Variants in TTLL12 observed in about 807,000 individuals in gnomAD.
TTLL12 encodes tubulin tyrosine ligase like 12, also known as tubulin--tyrosine ligase-like protein 12.
In TTLL12, 77 loss-of-function variants were observed where a neutral mutation model predicts 79.6. The observed-to-expected ratio is 0.97, with a 90% CI of 0.81 to 1.17. The LOEUF (loss-of-function observed/expected upper bound fraction) is 1.17. Among genes scored for constraint, TTLL12 ranks in the 50% most tolerant of loss-of-function variants. TTLL12 has a pLI of 0.00. For synonymous variants in TTLL12, 437 were observed against 376.1 expected (o/e 1.16, Z -1.87); for missense variants, 969 against 895.9 (o/e 1.08, Z -1.04).
chr22:43,186,878 C>T lies in TTLL12; in HGVS notation c.177+15G>A. On this transcript the variant is annotated intron_variant, in intron 1 of 13. Transcript: ENST00000216129. ...CACCCCGGCCGCCGCACGTGCCCGC[C>T]GCCCTTCCCCGCACCTCGTGCTCCA... The T allele has an allele frequency of 7.9e-7, 1 of 1,269,600 alleles. No individual in the cohort carries two copies. Among genetic ancestry groups the T allele is most frequent in the Admixed American group, 4.3e-5 (1 of 23,308 alleles). 78.6% of individuals were successfully genotyped at this position (1,269,600 alleles called of 1,614,324 possible).
At position 43,168,264 on chromosome 22, in the gene TTLL12, C is replaced by T. The variant is rs528115118; in HGVS notation, c.1784-105G>A. The T allele has an allele frequency of 7.5e-6, 11 of 1,474,108 alleles. No individual in the cohort carries two copies. The East Asian group carries it at 2.4e-4, about 32-fold the overall frequency. The allele number at this position is 1,474,108 out of a possible 1,614,324, so 91.3% of individuals were successfully genotyped here. A position where few individuals can be genotyped will look rare whatever the true frequency, so the allele number is the denominator to read the frequency against. On this transcript the variant is annotated intron_variant, in intron 13 of 13. Coordinates refer to ENST00000216129, the MANE Select transcript of TTLL12 (RefSeq NM_015140.4). ...AGGCTGGGAGGCCATGAACCTGGGC[C>T]CTGATTCCCAGGGGATGAGCAGGAC...
rs371460098 is a variant in TTLL12, at chr22:43,168,906, T to G, written c.1651A>C (p.Ile551Leu). Residue 551 changes from isoleucine (I) to leucine (L), a missense_variant, in exon 13 of 14, where the codon ATC becomes CTC. Transcript: ENST00000216129. ...AACAGCTCCGTGAAGGCCCGGAAGATCTCAGCCTGGGGACCGGGGAGCCTG... is the reference window on the plus strand; with the variant it reads ...AACAGCTCCGTGAAGGCCCGGAAGAGCTCAGCCTGGGGACCGGGGAGCCTG... ...EFPWTDVQAE[I>L]FRAFTELFQV... is the part of the protein sequence containing the mutation. 3 of 1,609,702 alleles carry G rather than the reference T, an allele frequency of 1.9e-6. No individual in the cohort carries two copies. The highest frequency in any genetic ancestry group is 2.7e-5 in the African/African-American group (2 of 74,828).
chr22:43,183,309 T>C (rs1194329269), intron 1 of TTLL12, among the ~76,000 whole-genome samples, 160 bp from the exon 2 acceptor site: 2 of 152,244 alleles, frequency 1.3e-5, no homozygotes, highest in East Asian at 1.9e-4. Context: ...CACACAGTCT[T>C]ACGGGCGGGG....
intron 2 of TTLL12, among the ~76,000 whole-genome samples, chr22:43,182,166 C>G (rs933390056): frequency 2.0e-4 from 30 of 152,232 alleles, no homozygotes; most frequent in Admixed American, 1.9e-3. Flanking sequence ...AGAACATGAG[C>G]TGGGAGCTCC....
intron 12 of TTLL12, 126 bp from the exon 13 acceptor site, chr22:43,169,038 T>C: frequency 7.8e-7 from 1 of 1,282,386 alleles, no homozygotes; most frequent in Non-Finnish European, 1.0e-6. Context: ...TCTTCACGTC[T>C]CTAGACCTCA....
rs1398571591 is a variant in TTLL12, at chr22:43,176,300, A to G, written c.917+20T>C. 7 of 1,495,484 alleles carry G rather than the reference A, an allele frequency of 4.7e-6. No homozygotes were observed. In the African/African-American group the frequency reaches 9.8e-5, roughly 21 times the overall value. The allele number at this position is 1,495,484 out of a possible 1,614,324, so 92.6% of individuals were successfully genotyped here. A position where few individuals can be genotyped will look rare whatever the true frequency, so the allele number is the denominator to read the frequency against. On this transcript the variant is annotated intron_variant, in intron 6 of 13. Coordinates refer to ENST00000216129, the MANE Select transcript of TTLL12 (RefSeq NM_015140.4). ...ACTGCGGACAAGTCCCAGCCCAAGCAGTGGGGGGGGGCTACGCACTTGAAG... is the reference window on the plus strand; with the variant it reads ...ACTGCGGACAAGTCCCAGCCCAAGCGGTGGGGGGGGGCTACGCACTTGAAG...
chr22:43,169,747 G>A (rs1015931998), intron 11 of TTLL12, 179 bp from the exon 12 acceptor site: 3 of 685,104 alleles, frequency 4.4e-6, no homozygotes, highest in Admixed American at 2.0e-5. Flanking sequence ...TGGGCTCCAG[G>A]TCTTACTGTG....
At chr22:43,183,953 C>T (rs2146625713) in intron 1 of TTLL12, among the ~76,000 whole-genome samples, 1 of 152,378 alleles carries the variant, frequency 6.6e-6, no homozygotes, top group African/African-American at 2.4e-5. Flanking sequence ...TCCTCATCCA[C>T]ACAATGGGAA....
At chr22:43,176,178 C>T in intron 6 of TTLL12, 142 bp downstream of exon 6, 2 of 661,150 alleles carry the variant, frequency 3.0e-6, no homozygotes, top group Non-Finnish European at 5.5e-6. Context: ...CTGCACGTGT[C>T]ACTGCTGTGC....
At chr22:43,176,419 T>C (rs781594055) in intron 5 of TTLL12, 23 bp from the exon 6 acceptor site, 2 of 1,589,152 alleles carry the variant, frequency 1.3e-6, no homozygotes, top group Non-Finnish European at 8.6e-7. Context: ...ACACCGGAAG[T>C]AGAGATGAGG....
At position 43,166,879 on chromosome 22, in the gene TTLL12, C is replaced by G; in HGVS notation, c.*1129G>C. On this transcript the variant is annotated 3_prime_UTR_variant, in exon 14 of 14. Transcript: ENST00000216129. ...TAATTTCAAAGAGGAGACACCGCTACACCTAGCCCTGCCCTCCCATGCACT... is the reference window on the plus strand; with the variant it reads ...TAATTTCAAAGAGGAGACACCGCTAGACCTAGCCCTGCCCTCCCATGCACT... 4.8e-6 allele frequency: 1 copy of G among 206,262 alleles called. No individual in the cohort carries two copies. Among genetic ancestry groups the G allele is most frequent in the Non-Finnish European group, 9.0e-6 (1 of 111,092 alleles). 12.8% of individuals were successfully genotyped at this position (206,262 alleles called of 1,614,324 possible).
In TTLL12 at chr22:43,180,045, C is replaced by T. The variant is rs546171037; in HGVS notation, c.547-45G>A. ...GGCACCTCTCGCTCACCCATCCACC[C>T]ACCGGAACTCCCTTCCGGAACCCAG... On this transcript the variant is annotated intron_variant, in intron 3 of 13. Transcript: ENST00000216129. The T allele has an allele frequency of 2.6e-6, 4 of 1,522,188 alleles. No homozygotes were observed. In the South Asian group the frequency reaches 3.8e-5, roughly 14 times the overall value. 94.3% of individuals were successfully genotyped at this position (1,522,188 alleles called of 1,614,324 possible).
chr22:43,183,436 T>C (rs565193279), intron 1 of TTLL12, among the ~76,000 whole-genome samples: 19 of 152,310 alleles, frequency 1.2e-4, no homozygotes, highest in African/African-American at 4.6e-4. Context: ...GATGGGACCT[T>C]GAGGACTTGC....
In TTLL12 at chr22:43,186,884, T is replaced by C; in HGVS notation, c.177+9A>G. 7.8e-7 allele frequency: 1 copy of C among 1,278,064 alleles called. No individual in the cohort carries two copies. Among genetic ancestry groups the C allele is most frequent in the Non-Finnish European group, 9.9e-7 (1 of 1,014,126 alleles). 79.2% of individuals were successfully genotyped at this position (1,278,064 alleles called of 1,614,324 possible). A position where few individuals can be genotyped will look rare whatever the true frequency, so the allele number is the denominator to read the frequency against. ...GGCCGCCGCACGTGCCCGCCGCCCT[T>C]CCCCGCACCTCGTGCTCCAGCTTGT... On this transcript the variant is annotated intron_variant, in intron 1 of 13. Coordinates refer to ENST00000216129, the MANE Select transcript of TTLL12 (RefSeq NM_015140.4).
rs909253273 is a variant in TTLL12 at position 43,174,220 on chromosome 22, C to T, written c.1218G>A (p.Gln406=). 8.1e-6 allele frequency: 13 copies of T among 1,603,104 alleles called. No homozygotes were observed. Among genetic ancestry groups the T allele is most frequent in the African/African-American group, 2.7e-5 (2 of 74,928 alleles). The stretch of plus-strand genomic sequence containing the variant: ...TGTCTGGGACTTACCACCTTTCCCG[C>T]TGCTGGAAGTAGCTGACAAACTGGG... ...ELPQFVSYFQ[Q]RERWGEDNHW... The change falls in exon 8 of 14, where the codon CAG becomes CAA. Residue 406 remains glutamine, a synonymous_variant. Transcript: ENST00000216129.
intron 1 of TTLL12, among the ~76,000 whole-genome samples, chr22:43,186,608 C>T (rs952165642): frequency 1.3e-5 from 2 of 152,210 alleles, no homozygotes; most frequent in Admixed American, 1.3e-4. Context: ...ATGAGTTTCA[C>T]TCCTCGCAGG....
At chr22:43,176,484 CTT>C in intron 5 of TTLL12, 88 bp from the exon 6 acceptor site, 1 of 1,101,066 alleles carries the variant, frequency 9.1e-7, no homozygotes, top group Non-Finnish European at 1.4e-6. Flanking sequence ...AATCCCAGCA[CTT>C]TGAGAGGGTG....
rs777410703 is a variant in TTLL12 at position 43,169,527 on chromosome 22, GT to G, written c.1616del (p.Tyr539SerfsTer49). The G allele has an allele frequency of 6.2e-7, 1 of 1,609,060 alleles. No homozygotes were observed. The highest frequency in any genetic ancestry group is 1.1e-5 in the South Asian group (1 of 90,722). On this transcript the variant is annotated frameshift_variant, in exon 12 of 14. Transcript: ENST00000216129. LOFTEE classifies it high-confidence loss of function. ...GGACGTCCGTCCAGGGAAATTCTGG[GT>G]ATTGCTTCTCAAACTCGGGGATGAA... ...EEFIPEFEKQYPEFPWTDVQA... is the reference protein window; with the variant it reads ...EEFIPEFEKQXPEFPWTDVQA...
rs200239819 is a variant in TTLL12 at position 43,173,721 on chromosome 22, G to T, written c.1335C>A (p.Thr445=). The change falls in exon 9 of 14, where the codon ACC becomes ACA. Residue 445 remains threonine (T), a synonymous_variant. Transcript: ENST00000216129. ...LHSIIRHRES[T]PKVVSKYIES... ...CCTGGTCTGCGGGGCCCACCTTGGG[G>T]GTGCTCTCTCGGTGCCGGATGATGC... The T allele has an allele frequency of 1.9e-6, 3 of 1,601,714 alleles. No homozygotes were observed. In the East Asian group the frequency reaches 6.7e-5, roughly 36 times the overall value.
Sources: gnomAD v4.1 joint callset for allele counts (sites outside exome capture counted in the v4.1 genomes callset) on GRCh38, gnomAD v4.1.1 for gene constraint, MANE v1.5 for transcripts, NCBI Gene and HGNC (gene_info 2026-07-23, HGNC 2026-07-21) for gene names.